The following CSMD1 variants were observed in gnomAD, a reference collection of about 807,000 sequenced individuals.
CSMD1 encodes CUB and Sushi multiple domains 1.
Under a neutral mutation model 417.5 loss-of-function variants are expected in CSMD1, and 213 were observed. The observed-to-expected ratio is 0.51, with a 90% CI of 0.46 to 0.57. The LOEUF (loss-of-function observed/expected upper bound fraction) is 0.57, where lower values mean the gene tolerates loss of function less well. Ranked by LOEUF, CSMD1 falls within the 20% of genes least tolerant of loss-of-function variation. The pLI, the probability that CSMD1 is intolerant of heterozygous loss-of-function variation, is 0.00. For synonymous variants in CSMD1, 2,862 were observed against 1,736.8 expected, an observed-to-expected ratio of 1.65 and a Z score of -16.11; for missense variants, 6,923 against 4,529.7, an observed-to-expected ratio of 1.53 and a Z score of -15.17.
chr8:3,450,260 A>C (rs759886105), intron 12 of CSMD1, among the ~76,000 whole-genome samples: 1 of 152,158 alleles, frequency 6.6e-6, no homozygotes, highest in Non-Finnish European at 1.5e-5. Flanking sequence ...TGACCTAATC[A>C]GGAGTTTCAG....
chr8:3,712,325 C>T (rs1305796359), intron 6 of CSMD1, among the ~76,000 whole-genome samples: 1 of 151,890 alleles, frequency 6.6e-6, no homozygotes, highest in Non-Finnish European at 1.5e-5. Flanking sequence ...CCTCTTCCTC[C>T]CTCCAACTGC....
chr8:3,986,927 G>C (rs1311883161), intron 5 of CSMD1, among the ~76,000 whole-genome samples: 1 of 151,920 alleles, frequency 6.6e-6, no homozygotes, highest in Non-Finnish European at 1.5e-5. Flanking sequence ...GCTAATTTTT[G>C]TATTTTTAGT....
At chr8:3,268,401 G>T (rs1172599735) in intron 26 of CSMD1, among the ~76,000 whole-genome samples, 1 of 142,318 alleles carries the variant, frequency 7.0e-6, no homozygotes, top group Non-Finnish European at 1.5e-5. Flanking sequence ...CCATTCTCCT[G>T]CCTCAACCTC....
intron 13 of CSMD1, among the ~76,000 whole-genome samples, chr8:3,408,467 T>C (rs1563357104): frequency 6.6e-6 from 1 of 152,194 alleles, no homozygotes; most frequent in Non-Finnish European, 1.5e-5. Context: ...ACAAGCGTGG[T>C]TCAAAAATGA....
At chr8:4,419,656 A>G (rs1275953649) in intron 3 of CSMD1, among the ~76,000 whole-genome samples, 5 of 152,190 alleles carry the variant, frequency 3.3e-5, no homozygotes, top group Non-Finnish European at 7.3e-5. Flanking sequence ...ACCACGTAAG[A>G]GGGCTATTAG....
intron 2 of CSMD1, among the ~76,000 whole-genome samples, chr8:4,446,905 G>A (rs553386826): frequency 6.6e-6 from 1 of 151,242 alleles, no homozygotes; most frequent in South Asian, 2.1e-4. Flanking sequence ...ACAGGCGTGA[G>A]CCATTGCGCC....
chr8:4,389,426 C>G (rs544220524), intron 3 of CSMD1, among the ~76,000 whole-genome samples: 17 of 152,182 alleles, frequency 1.1e-4, no homozygotes, highest in African/African-American at 3.9e-4. Flanking sequence ...ACGAAAATCT[C>G]ACATAAACAA....
chr8:3,730,546 A>C (rs1044769533), intron 6 of CSMD1, among the ~76,000 whole-genome samples: 2 of 152,062 alleles, frequency 1.3e-5, no homozygotes, highest in African/African-American at 2.4e-5. Context: ...CGAGGAGAGG[A>C]AAGTGCTACC....
intron 5 of CSMD1, among the ~76,000 whole-genome samples, chr8:3,952,161 A>G (rs1585022939): frequency 6.6e-6 from 1 of 152,198 alleles, no homozygotes; most frequent in African/African-American, 2.4e-5. Flanking sequence ...GAAACCTTCA[A>G]TGGGACAGAG....
At chr8:4,537,668 T>A (rs1797168257) in intron 2 of CSMD1, among the ~76,000 whole-genome samples, 1 of 152,172 alleles carries the variant, frequency 6.6e-6, no homozygotes, top group African/African-American at 2.4e-5. Flanking sequence ...TTACTTTCAT[T>A]CTTCCTCGAA....
At chr8:4,624,422 C>T (rs567543104) in intron 2 of CSMD1, among the ~76,000 whole-genome samples, 1 of 152,148 alleles carries the variant, frequency 6.6e-6, no homozygotes, top group Non-Finnish European at 1.5e-5. Flanking sequence ...CTTTCCCAAT[C>T]CTCTCTGGAA....
intron 2 of CSMD1, among the ~76,000 whole-genome samples, chr8:4,500,121 C>T (rs1241689526): frequency 6.6e-6 from 1 of 151,594 alleles, no homozygotes; most frequent in Non-Finnish European, 1.5e-5. Context: ...TGGGAGAATA[C>T]AATGTCTCTG....
intron 1 of CSMD1, among the ~76,000 whole-genome samples, chr8:4,972,607 G>T (rs922765858): frequency 5.3e-5 from 8 of 152,088 alleles, no homozygotes; most frequent in Non-Finnish European, 1.2e-4. Flanking sequence ...ACCTCAGGCA[G>T]TTCTTTATAG....
intron 41 of CSMD1, among the ~76,000 whole-genome samples, chr8:3,122,000 T>C (rs1410917969): frequency 5.3e-5 from 8 of 152,266 alleles, no homozygotes; most frequent in African/African-American, 1.7e-4. Flanking sequence ...GAAAATGTAA[T>C]TGCGGTTTTT....
intron 3 of CSMD1, among the ~76,000 whole-genome samples, chr8:4,252,997 A>G (rs1585101729): frequency 6.6e-6 from 1 of 152,326 alleles, no homozygotes; most frequent in African/African-American, 2.4e-5. Context: ...TTTTAAAGCC[A>G]ATGTCGGATT....
intron 6 of CSMD1, among the ~76,000 whole-genome samples, chr8:3,727,589 A>G (rs555649479): frequency 1.3e-5 from 2 of 152,354 alleles, no homozygotes; most frequent in East Asian, 3.9e-4. Flanking sequence ...AAAAATGAGC[A>G]TATGATACTG....
At chr8:4,143,590 A>G (rs1803928400) in intron 3 of CSMD1, among the ~76,000 whole-genome samples, 1 of 151,008 alleles carries the variant, frequency 6.6e-6, no homozygotes, top group African/African-American at 2.5e-5. Flanking sequence ...CAACCCCTTT[A>G]ACTAGTTGTG....
chr8:3,224,123 A>C (rs1042141448), intron 27 of CSMD1, among the ~76,000 whole-genome samples: 2 of 152,212 alleles, frequency 1.3e-5, no homozygotes, highest in Non-Finnish European at 1.5e-5. Context: ...CAAACTTCTG[A>C]CACAAAAAAT....
chr8:4,931,480 C>A (rs1387694005), intron 1 of CSMD1, among the ~76,000 whole-genome samples: 4 of 152,166 alleles, frequency 2.6e-5, no homozygotes, highest in African/African-American at 9.7e-5. Context: ...TCCCAGCAAT[C>A]ATGGAAACAC....
Sources: allele counts gnomAD v4.1 joint callset (sites outside exome capture counted in the v4.1 genomes callset), GRCh38; gene constraint gnomAD v4.1.1; transcripts MANE v1.5; gene names NCBI Gene and HGNC (gene_info 2026-07-23, HGNC 2026-07-21).